Variants in ARHGEF18 observed in about 807,000 individuals in gnomAD.
ARHGEF18 encodes Rho/Rac guanine nucleotide exchange factor 18, also known as rho guanine nucleotide exchange factor 18.
A neutral mutation model predicts 155.7 loss-of-function variants in ARHGEF18; 93 were observed. The ratio of observed to expected loss-of-function variants is 0.60; its 90% CI spans 0.50 to 0.71. The LOEUF (loss-of-function observed/expected upper bound fraction) is 0.71, where lower values mean the gene tolerates loss of function less well. Among genes scored for constraint, ARHGEF18 ranks in the 30% least tolerant of loss-of-function variants. The pLI is 0.00. For missense variants in ARHGEF18, 1,593 were observed against 1,816.1 expected, an observed-to-expected ratio of 0.88 and a Z score of 2.23; for synonymous variants, 742 against 753.1, an observed-to-expected ratio of 0.99 and a Z score of 0.24.
intron 2 of ARHGEF18, among the ~76,000 whole-genome samples, chr19:7,363,787 AGAAT>A: frequency 6.6e-6 from 1 of 150,882 alleles, no homozygotes; most frequent in East Asian, 2.0e-4. Context: ...GATAAATGAA[AGAAT>A]GAAGGAAGGA....
chr19:7,410,652 A>C (rs917893887), intron 10 of ARHGEF18, among the ~76,000 whole-genome samples: 3 of 151,614 alleles, frequency 2.0e-5, no homozygotes, highest in African/African-American at 7.3e-5. Flanking sequence ...TCTACTAAAA[A>C]TAAAAAAATT....
chr19:7,432,944 A>G (rs7248749), intron 10 of ARHGEF18, among the ~76,000 whole-genome samples: 63,603 of 152,058 alleles, frequency 0.42, 14,021 homozygotes, highest in East Asian at 0.6. Flanking sequence ...AGGATCACTT[A>G]AGGCTAGGTA....
At chr19:7,387,539 A>T (rs1223664478) in intron 10 of ARHGEF18, among the ~76,000 whole-genome samples, 1 of 152,122 alleles carries the variant, frequency 6.6e-6, no homozygotes, top group African/African-American at 2.4e-5. Flanking sequence ...TAAATGGTTG[A>T]AAACAAATAT....
chr19:7,467,235 A>C lies in ARHGEF18; in HGVS notation c.3031A>C (p.Ser1011Arg). ...GCAGGCGGTAATCGCCCACCAGGACAGCTATGTGGAGACGCAGCGGGCTGC... is the reference window on the plus strand; with the variant it reads ...GCAGGCGGTAATCGCCCACCAGGACCGCTATGTGGAGACGCAGCGGGCTGC... ...NLQAVIAHQD[S>R]YVETQRAAIQ... The change falls in exon 26 of 29, where the codon AGC becomes CGC. Residue 1011 changes from serine (S) to arginine (R), a missense_variant. By Grantham distance (110) the Ser-to-Arg change is moderately radical. Transcript: ENST00000668164. The C allele has an allele frequency of 6.3e-7, 1 of 1,585,922 alleles. No individual in the cohort carries two copies. Among genetic ancestry groups the C allele is most frequent in the Admixed American group, 1.7e-5 (1 of 57,224 alleles).
intron 15 of ARHGEF18, among the ~76,000 whole-genome samples, chr19:7,448,011 A>G (rs867318684): frequency 2.3e-4 from 35 of 152,314 alleles, no homozygotes; most frequent in Middle Eastern, 3.4e-3. Context: ...AACAAAATCA[A>G]TCAAAGAAAG....
intron 1 of ARHGEF18, among the ~76,000 whole-genome samples, chr19:7,360,264 C>A (rs1969492010): frequency 6.7e-6 from 1 of 150,350 alleles, no homozygotes; most frequent in Non-Finnish European, 1.5e-5. Flanking sequence ...GAGACAGAGT[C>A]TCACTCTGTC....
rs1974593164 is a variant in ARHGEF18 at position 7,440,799 on chromosome 19, AGGC to A, written c.1106+322_1106+324del. ...GCTCAAAGTCCTGCTGGGTGTGTGG[AGGC>A]GGCGTCCCATTATCTGTGCCTTACC... On this transcript the variant is annotated intron_variant, in intron 11 of 28. Coordinates refer to ENST00000668164, the MANE Select transcript of ARHGEF18 (RefSeq NM_001367823.1). The surrounding 1 kb of genome is among the most constrained non-coding windows in gnomAD (Gnocchi z 5.4). Among the ~76,000 whole-genome samples, 1 of 152,066 alleles carries A rather than the reference AGGC, an allele frequency of 6.6e-6. No homozygotes were observed.
chr19:7,479,420 G>T, the ARHGEF18 span, among the ~76,000 whole-genome samples: 1 of 152,304 alleles, frequency 6.6e-6, no homozygotes, highest in South Asian at 2.1e-4. Flanking sequence ...GGAGGTGGAG[G>T]TTGCAGTAAG....
At chr19:7,375,361 G>T (rs529013139) in intron 3 of ARHGEF18, among the ~76,000 whole-genome samples, 5 of 122,682 alleles carry the variant, frequency 4.1e-5, no homozygotes, top group African/African-American at 1.0e-4. Context: ...AGAAAAGGAA[G>T]GAAGGAAGGA....
At position 7,424,228 on chromosome 19, in the gene ARHGEF18, G is replaced by A. The variant is rs1418585421; in HGVS notation, c.968-16116G>A. 2.0e-5 allele frequency among the ~76,000 whole-genome samples: 3 copies of A among 151,972 alleles called. No individual in the cohort carries two copies. In the East Asian group the frequency reaches 5.8e-4, roughly 29 times the overall value. ...TTTAGTAGAGAAAGGGTTTCTCCAT[G>A]TTGGTCAGGCTGGTCTCGAACTCCC... On this transcript the variant is annotated intron_variant, in intron 10 of 28. Coordinates refer to ENST00000668164, the MANE Select transcript of ARHGEF18 (RefSeq NM_001367823.1).
chr19:7,434,697 G>C (rs1974157570), intron 10 of ARHGEF18, among the ~76,000 whole-genome samples: 1 of 152,206 alleles, frequency 6.6e-6, no homozygotes, highest in South Asian at 2.1e-4. Flanking sequence ...CAAGAGCAGA[G>C]CGACTAATTC....
chr19:7,415,973 C>T lies in ARHGEF18; in HGVS notation c.968-24371C>T, dbSNP rs554040818. ...TTGGAGTTCCCACACAGGTTCCCAG[C>T]TGAGGCTGAGCGAGGCGACACTCCA... On this transcript the variant is annotated intron_variant, in intron 10 of 28. Coordinates refer to ENST00000668164, the MANE Select transcript of ARHGEF18 (RefSeq NM_001367823.1). Among the ~76,000 whole-genome samples the T allele has an allele frequency of 4.0e-4, 61 of 152,318 alleles. 1 individual carries two copies. Among genetic ancestry groups the T allele is most frequent in the Non-Finnish European group, 7.2e-4 (49 of 68,026 alleles).
intron 10 of ARHGEF18, among the ~76,000 whole-genome samples, chr19:7,403,881 A>G (rs1972150447): frequency 6.6e-6 from 1 of 152,098 alleles, no homozygotes; most frequent in Non-Finnish European, 1.5e-5. Flanking sequence ...CCTGGCCAAC[A>G]TGGCAAAACC....
intron 15 of ARHGEF18, 21 bp downstream of exon 15, chr19:7,447,189 T>A (rs200590266): frequency 7.5e-5 from 120 of 1,591,636 alleles, no homozygotes; most frequent in Middle Eastern, 1.7e-4. Flanking sequence ...TTTTTTTTTT[T>A]AATCAAAAAC....
At chr19:7,418,354 G>T (rs774860960) in intron 10 of ARHGEF18, among the ~76,000 whole-genome samples, 1 of 152,278 alleles carries the variant, frequency 6.6e-6, no homozygotes, top group Admixed American at 6.5e-5. Flanking sequence ...GAACTCCTGG[G>T]CGCAAGCGAT....
rs749279100 is a variant in ARHGEF18 at position 7,441,697 on chromosome 19, A to G, written c.1151A>G (p.Lys384Arg). ...GATGAAGCCGATTCTGCGTTTTTAA[A>G]ATTTAAGCAGACAGCTGATGACTCT... is the stretch of plus-strand genomic sequence containing the variant. ...EMDEADSAFL[K>R]FKQTADDSLS... Residue 384 changes from lysine (K) to arginine (R), a missense_variant, in exon 12 of 29, where the codon AAA becomes AGA. By Grantham distance (26) the Lys-to-Arg change is conservative. Transcript: ENST00000668164. The G allele has an allele frequency of 6.2e-7, 1 of 1,614,090 alleles. No homozygotes were observed. The highest frequency in any genetic ancestry group is 1.3e-5 in the African/African-American group (1 of 74,940).
chr19:7,409,977 A>G (rs1972582755), intron 10 of ARHGEF18, among the ~76,000 whole-genome samples: 1 of 132,654 alleles, frequency 7.5e-6, no homozygotes, highest in Non-Finnish European at 1.6e-5. Flanking sequence ...TTTAGCAGAG[A>G]TGGGGTTTTA....
downstream of ARHGEF18, among the ~76,000 whole-genome samples, chr19:7,474,752 G>GGA (rs1555733247): frequency 6.8e-5 from 7 of 103,144 alleles, no homozygotes; most frequent in South Asian, 6.2e-4. Flanking sequence ...GGTGGGCATT[G>GGA]GAGTGTGTGT....
At chr19:7,356,938 G>A (rs570329879) in intron 1 of ARHGEF18, among the ~76,000 whole-genome samples, 9 of 152,292 alleles carry the variant, frequency 5.9e-5, no homozygotes, top group South Asian at 2.1e-4. Flanking sequence ...GCACTGTGCC[G>A]GGGTCAGGGA....
Sources: gnomAD v4.1 joint callset for allele counts (sites outside exome capture counted in the v4.1 genomes callset) on GRCh38, gnomAD v4.1.1 for gene constraint, Gnocchi (gnomAD v3.1) non-coding constraint, MANE v1.5 for transcripts, NCBI Gene and HGNC (gene_info 2026-07-23, HGNC 2026-07-21) for gene names.